The following PDZRN4 variants were observed in gnomAD, a reference collection of about 807,000 sequenced individuals.
PDZRN4 encodes the protein PDZ domain containing ring finger 4, also known as PDZ domain-containing RING finger protein 4.
PDZRN4 carries 70 observed loss-of-function variants against 99.0 expected under a neutral mutation model. The ratio of observed to expected loss-of-function variants is 0.71; its 90% CI spans 0.58 to 0.86. The LOEUF (loss-of-function observed/expected upper bound fraction) is 0.86. PDZRN4 is among the 40% of genes least tolerant of loss of function. The pLI is 0.00. For missense variants in PDZRN4, 1,474 were observed against 1,331.2 expected (o/e 1.11, Z -1.67); for synonymous variants, 551 against 501.6 (o/e 1.10, Z -1.32).
At chr12:41,476,276 T>C (rs1233226182) in intron 3 of PDZRN4, among the ~76,000 whole-genome samples, 1 of 152,256 alleles carries the variant, frequency 6.6e-6, no homozygotes, top group East Asian at 1.9e-4. Flanking sequence ...CAAAATTGAC[T>C]GACACTACTC....
chr12:41,365,660 CTT>C (rs1251941573), intron 3 of PDZRN4, among the ~76,000 whole-genome samples: 1 of 152,082 alleles, frequency 6.6e-6, no homozygotes, highest in Non-Finnish European at 1.5e-5. Flanking sequence ...CCTTTCCCCT[CTT>C]TGAGCCCGAA....
At chr12:41,225,435 G>GC (rs1950986750) in intron 3 of PDZRN4, among the ~76,000 whole-genome samples, 1 of 149,034 alleles carries the variant, frequency 6.7e-6, no homozygotes, top group African/African-American at 2.5e-5. Context: ...ATTACACTGT[G>GC]TTTTTTTTTT....
intron 3 of PDZRN4, among the ~76,000 whole-genome samples, chr12:41,327,530 G>C (rs948617000): frequency 6.6e-6 from 1 of 152,180 alleles, no homozygotes; most frequent in South Asian, 2.1e-4. Flanking sequence ...GGAGAGGCCT[G>C]TTCAATTTGA....
At chr12:41,472,411 C>CATTTTTGT (rs1205390132) in intron 3 of PDZRN4, among the ~76,000 whole-genome samples, 1 of 152,152 alleles carries the variant, frequency 6.6e-6, no homozygotes, top group African/African-American at 2.4e-5. Flanking sequence ...TATAGATATA[C>CATTTTTGT]ATTTTTGTTA....
At chr12:41,467,097 A>T (rs1017830049) in intron 3 of PDZRN4, among the ~76,000 whole-genome samples, 2 of 152,262 alleles carry the variant, frequency 1.3e-5, no homozygotes, top group African/African-American at 4.8e-5. Flanking sequence ...TTTGCATTAC[A>T]GCGCAAAATA....
intron 3 of PDZRN4, among the ~76,000 whole-genome samples, chr12:41,357,441 A>T (rs1280171260): frequency 5.3e-5 from 8 of 151,974 alleles, no homozygotes; most frequent in Admixed American, 5.3e-4. Context: ...CCAGTATGGT[A>T]TTATTTTCAT....
intron 3 of PDZRN4, among the ~76,000 whole-genome samples, chr12:41,315,308 G>A (rs1483284392): frequency 1.3e-5 from 2 of 152,054 alleles, no homozygotes; most frequent in African/African-American, 4.8e-5. Flanking sequence ...TATTTCTACT[G>A]TCATGATCAC....
Position 41,189,000 on chromosome 12 carries a change from A to G in PDZRN4, c.545A>G (p.Gln182Arg). 2 of 1,543,364 alleles carry G rather than the reference A, an allele frequency of 1.3e-6. No homozygotes were observed. Among genetic ancestry groups the G allele is most frequent in the Admixed American group, 1.9e-5 (1 of 51,864 alleles). ...CTGCTGGCGCAGCTCTGGGCGCTGCAGGGCGAGGTGCAGCTCACGGCGCGC... is the reference window on the plus strand; with the variant it reads ...CTGCTGGCGCAGCTCTGGGCGCTGCGGGGCGAGGTGCAGCTCACGGCGCGC... ...KALLAQLWAL[Q>R]GEVQLTARRY... The change falls in exon 1 of 10, where the codon CAG becomes CGG. Residue 182 changes from glutamine to arginine, a missense_variant. By Grantham distance (43) the Gln-to-Arg change is conservative. Transcript: ENST00000402685.
chr12:41,523,245 C>T (rs576965532), intron 5 of PDZRN4, among the ~76,000 whole-genome samples: 14 of 152,194 alleles, frequency 9.2e-5, no homozygotes, highest in Admixed American at 7.2e-4. Flanking sequence ...GCCATCATTT[C>T]GTGGCCCTGA....
chr12:41,565,581 A>G (rs1047078157), intron 8 of PDZRN4, among the ~76,000 whole-genome samples: 3 of 150,568 alleles, frequency 2.0e-5, no homozygotes, highest in African/African-American at 7.3e-5. Flanking sequence ...TGCTTTTTCT[A>G]GCTTTTTTTA....
At chr12:41,208,087 T>C (rs1019832313) in intron 3 of PDZRN4, among the ~76,000 whole-genome samples, 6 of 151,944 alleles carry the variant, frequency 3.9e-5, no homozygotes, top group Non-Finnish European at 8.8e-5. Flanking sequence ...TCCTTAGTTC[T>C]GAGTGTCCTG....
At position 41,571,376 on chromosome 12, in the gene PDZRN4, T is replaced by TCTCTCTCTCA. The variant is rs1303597271; in HGVS notation, c.1585-987_1585-986insTCTCTCTCAC. ...CTCTCTCTCTCTCTCTCTCTCTCTC[T>TCTCTCTCTCA]CACACACACACACACACACACACAC... On this transcript the variant is annotated intron_variant, in intron 9 of 9. Transcript: ENST00000402685. 2.7e-3 allele frequency among the ~76,000 whole-genome samples: 179 copies of TCTCTCTCTCA among 65,566 alleles called. 1 individual carries two copies. The highest frequency in any genetic ancestry group is 9.1e-3 in the Middle Eastern group (1 of 110). The allele number at this position is 65,566 out of a possible 152,430, so 43.0% of individuals were successfully genotyped here.
intron 3 of PDZRN4, among the ~76,000 whole-genome samples, chr12:41,350,879 A>G (rs1304330757): frequency 3.9e-5 from 6 of 152,098 alleles, no homozygotes; most frequent in African/African-American, 1.2e-4. Context: ...CTCTCAGGGT[A>G]GAAACAGCAG....
chr12:41,335,884 T>C (rs150190768), intron 3 of PDZRN4, among the ~76,000 whole-genome samples: 1 of 152,158 alleles, frequency 6.6e-6, no homozygotes, highest in African/African-American at 2.4e-5. Flanking sequence ...TGTAATATAA[T>C]TTATCCAAAT....
intron 1 of PDZRN4, among the ~76,000 whole-genome samples, chr12:41,190,128 G>A (rs1273045298): frequency 6.6e-6 from 1 of 152,088 alleles, no homozygotes; most frequent in African/African-American, 2.4e-5. Context: ...AGCACTCCCG[G>A]GGAGGAGCAA....
chr12:41,562,809 G>A (rs1462409580), intron 7 of PDZRN4, among the ~76,000 whole-genome samples: 1 of 151,870 alleles, frequency 6.6e-6, no homozygotes, highest in Non-Finnish European at 1.5e-5. Flanking sequence ...GTTTAGTCAA[G>A]CTTGGTTTCT....
rs374590588 is a variant in PDZRN4, at chr12:41,269,032, G to A, written c.843+74844G>A. On this transcript the variant is annotated intron_variant, in intron 3 of 9. Transcript: ENST00000402685. ...TCACCTAGCTCCTGCCTTGAGCTTG[G>A]AGAGCAAACAAGGATATTTAGGTTT... Among the ~76,000 whole-genome samples, 37 of 152,238 alleles carry A rather than the reference G, an allele frequency of 2.4e-4. No homozygotes were observed. The East Asian group carries it at 7.1e-3, about 29-fold the overall frequency.
chr12:41,536,761 T>TAAAAA lies in PDZRN4; in HGVS notation c.1204-15887_1204-15883dup, dbSNP rs59008796. Among the ~76,000 whole-genome samples the TAAAAA allele has an allele frequency of 2.6e-3, 351 of 137,388 alleles. 3 individuals carry two copies. Among genetic ancestry groups the TAAAAA allele is most frequent in the African/African-American group, 9.0e-3 (329 of 36,452 alleles). 90.1% of individuals were successfully genotyped at this position (137,388 alleles called of 152,430 possible). ...GAAAAAAATAACATCTATTGAAAAG[T>TAAAAA]AAAAAAAAAAAACCCTTCTTGATTT... On this transcript the variant is annotated intron_variant, in intron 5 of 9. Transcript: ENST00000402685.
chr12:41,277,983 G>A (rs776934807), intron 3 of PDZRN4, among the ~76,000 whole-genome samples: 14 of 152,140 alleles, frequency 9.2e-5, no homozygotes, highest in Non-Finnish European at 1.9e-4. Context: ...AAGGCTAATG[G>A]CCTCCATCTG....
Sources: allele counts gnomAD v4.1 joint callset (sites outside exome capture counted in the v4.1 genomes callset), GRCh38; gene constraint gnomAD v4.1.1; transcripts MANE v1.5; gene names NCBI Gene and HGNC (gene_info 2026-07-23, HGNC 2026-07-21).